PTPRT: variants seen among roughly 807,000 people sequenced by gnomAD.
The protein encoded by PTPRT is protein tyrosine phosphatase receptor type T, also known as receptor-type tyrosine-protein phosphatase T.
Under a neutral mutation model 176.8 loss-of-function variants are expected in PTPRT, and 56 were observed. The ratio of observed to expected loss-of-function variants is 0.32; its 90% confidence interval spans 0.26 to 0.40. The LOEUF (loss-of-function observed/expected upper bound fraction) is 0.40, where lower values mean the gene tolerates loss of function less well. Among genes scored for constraint, PTPRT ranks in the 10% least tolerant of loss-of-function variants. PTPRT has a pLI of 1.00. For synonymous variants in PTPRT, 783 were observed against 739.0 expected, an observed-to-expected ratio of 1.06 and a Z score of -0.96; for missense variants, 1,540 against 1,908.2, an observed-to-expected ratio of 0.81 and a Z score of 3.60.
intron 7 of PTPRT, among the ~76,000 whole-genome samples, chr20:42,582,264 C>G (rs559898607): frequency 5.9e-5 from 9 of 152,240 alleles, no homozygotes; most frequent in African/African-American, 2.2e-4. Flanking sequence ...GTGTGGAGGG[C>G]TGGTCCCAAA....
intron 8 of PTPRT, 60 bp from the exon 9 acceptor site, chr20:42,448,389 C>T: frequency 7.5e-7 from 1 of 1,338,018 alleles, no homozygotes. Context: ...TCCAGCCCCG[C>T]TGACCTAGAA....
At chr20:42,937,649 T>A (rs1980274681) in intron 1 of PTPRT, among the ~76,000 whole-genome samples, 1 of 152,236 alleles carries the variant, frequency 6.6e-6, no homozygotes, top group South Asian at 2.1e-4. Context: ...TTCAGAGAGT[T>A]GAGAGCAGCT....
chr20:42,347,251 T>C (rs2058207698), intron 11 of PTPRT, among the ~76,000 whole-genome samples: 1 of 152,202 alleles, frequency 6.6e-6, no homozygotes, highest in African/African-American at 2.4e-5. Flanking sequence ...AGAAAACTAT[T>C]AACTGTAAAA....
At chr20:42,314,437 G>C (rs951145224) in intron 12 of PTPRT, among the ~76,000 whole-genome samples, 1 of 150,356 alleles carries the variant, frequency 6.7e-6, no homozygotes, top group African/African-American at 2.5e-5. Flanking sequence ...GCTGAGGCAG[G>C]AGAAGAGCGT....
chr20:43,108,816 C>T (rs1033452454), intron 1 of PTPRT, among the ~76,000 whole-genome samples: 4 of 152,000 alleles, frequency 2.6e-5, no homozygotes, highest in African/African-American at 4.8e-5. Context: ...CTCTGAGCCA[C>T]GCAATGGGAC....
chr20:42,910,666 G>C (rs2079532865), intron 1 of PTPRT, among the ~76,000 whole-genome samples: 1 of 152,094 alleles, frequency 6.6e-6, no homozygotes, highest in Non-Finnish European at 1.5e-5. Context: ...ACGCAGCCTT[G>C]GTGCCCACAA....
At chr20:42,116,526 C>G (rs117146455) in intron 21 of PTPRT, among the ~76,000 whole-genome samples, 160 of 152,320 alleles carry the variant, frequency 1.1e-3, no homozygotes, top group Non-Finnish European at 2.0e-3. Context: ...TGACTGTGTA[C>G]TCTGTCTACC....
At chr20:42,366,996 T>C (rs190801961) in intron 9 of PTPRT, among the ~76,000 whole-genome samples, 4 of 152,250 alleles carry the variant, frequency 2.6e-5, no homozygotes, top group African/African-American at 9.6e-5. Context: ...TCTTTATAGA[T>C]GTAATCCTTC....
the PTPRT span, among the ~76,000 whole-genome samples, chr20:42,042,683 A>G: frequency 6.6e-6 from 1 of 152,236 alleles, no homozygotes; most frequent in Admixed American, 6.5e-5. Flanking sequence ...TTACACAAAA[A>G]TAAGGCTACT....
intron 13 of PTPRT, among the ~76,000 whole-genome samples, chr20:42,281,847 C>T (rs1009107495): frequency 2.6e-5 from 4 of 152,096 alleles, no homozygotes; most frequent in South Asian, 2.1e-4. Context: ...ATAGGTTAAA[C>T]GATAGCAAAC....
chr20:42,552,965 C>A (rs1273309992), intron 7 of PTPRT, among the ~76,000 whole-genome samples: 1 of 152,056 alleles, frequency 6.6e-6, no homozygotes, highest in Non-Finnish European at 1.5e-5. Flanking sequence ...TAAGAACCGC[C>A]TTGAGTAGCG....
the PTPRT span, among the ~76,000 whole-genome samples, chr20:42,055,929 G>C: frequency 4.6e-5 from 7 of 152,262 alleles, no homozygotes; most frequent in African/African-American, 1.7e-4. Flanking sequence ...CTCTTGTAGG[G>C]AGGTTAGCTG....
chr20:43,138,376 A>T (rs1339724616), intron 1 of PTPRT, among the ~76,000 whole-genome samples: 1 of 152,240 alleles, frequency 6.6e-6, no homozygotes, highest in East Asian at 1.9e-4. Flanking sequence ...CACTGCAGGC[A>T]GGCAGCCTTG....
At chr20:42,534,461 G>C (rs543892234) in intron 7 of PTPRT, among the ~76,000 whole-genome samples, 1 of 151,926 alleles carries the variant, frequency 6.6e-6, no homozygotes, top group African/African-American at 2.4e-5. Context: ...GTGAAACCCC[G>C]TCTCTACTAA....
intron 1 of PTPRT, among the ~76,000 whole-genome samples, chr20:42,928,261 C>A (rs206636): frequency 0.79 from 119,684 of 152,252 alleles, 47,849 homozygotes; most frequent in African/African-American, 0.95. Context: ...TTAATTATCA[C>A]AGTCCTGATG....
chr20:42,723,554 C>A (rs947981481), intron 6 of PTPRT, among the ~76,000 whole-genome samples: 1 of 152,112 alleles, frequency 6.6e-6, no homozygotes, highest in Non-Finnish European at 1.5e-5. Context: ...TCCTCAGGGG[C>A]CTGAAAAGGA....
chr20:42,851,986 C>T (rs1209653355), intron 2 of PTPRT, among the ~76,000 whole-genome samples: 1 of 152,148 alleles, frequency 6.6e-6, no homozygotes, highest in Non-Finnish European at 1.5e-5. Context: ...TTTACATAGA[C>T]ACAAATCATT....
chr20:42,184,581 T>C (rs377513714), intron 16 of PTPRT, among the ~76,000 whole-genome samples: 1 of 142,004 alleles, frequency 7.0e-6, no homozygotes, highest in East Asian at 2.1e-4. Context: ...TTCTTCTTCT[T>C]CTTCTTCTTC....
chr20:42,994,583 CA>C (rs1984125194), intron 1 of PTPRT, among the ~76,000 whole-genome samples: 1 of 152,086 alleles, frequency 6.6e-6, no homozygotes, highest in Non-Finnish European at 1.5e-5. Flanking sequence ...ACATCCCAAC[CA>C]AAAAGCCACT....
Sources: gnomAD v4.1 joint callset for allele counts (sites outside exome capture counted in the v4.1 genomes callset) on GRCh38, gnomAD v4.1.1 for gene constraint, MANE v1.5 for transcripts, NCBI Gene and HGNC (gene_info 2026-07-23, HGNC 2026-07-21) for gene names.